Variants in MIP observed in about 807,000 individuals in gnomAD.
MIP encodes the protein major intrinsic protein of lens fiber.
In MIP, 14 loss-of-function variants were observed where a neutral mutation model predicts 21.8. The observed-to-expected ratio is 0.64, with a 90% CI of 0.42 to 1.00. The LOEUF (loss-of-function observed/expected upper bound fraction) is 1.00. MIP is among the 50% of genes least tolerant of loss of function. The pLI is 0.00. For synonymous variants in MIP, 133 were observed against 141.4 expected, an observed-to-expected ratio of 0.94 and a Z score of 0.42; for missense variants, 260 against 333.5, an observed-to-expected ratio of 0.78 and a Z score of 1.72.
chr12:56,453,043 C>T, intron 3 of MIP, 29 bp downstream of exon 3: 3 of 1,486,694 alleles, frequency 2.0e-6, no homozygotes, highest in Non-Finnish European at 2.8e-6. Flanking sequence ...AGAAGGGCTT[C>T]AGGATCTTGC....
Position 56,451,183 on chromosome 12 carries a change from A to G in MIP, c.*97T>C, listed in dbSNP as rs1868597295. 4.0e-6 allele frequency: 4 copies of G among 1,009,410 alleles called. No homozygotes were observed. The African/African-American group carries it at 4.9e-5, about 12-fold the overall frequency. The allele number at this position is 1,009,410 out of a possible 1,614,324, so 62.5% of individuals were successfully genotyped here. A position where few individuals can be genotyped will look rare whatever the true frequency, so the allele number is the denominator to read the frequency against. On this transcript the variant is annotated 3_prime_UTR_variant, in exon 4 of 4. Transcript: ENST00000652304. ...CATAAGTTAAAAAATAAAGAAGTAC[A>G]TGACCCTCCCCACAGTCTCTTTCTT...
rs746044208 is a variant in MIP, at chr12:56,451,231, C to T, written c.*49G>A. 47 of 1,579,280 alleles carry T rather than the reference C, an allele frequency of 3.0e-5. No homozygotes were observed. The highest frequency in any genetic ancestry group is 3.6e-5 in the Non-Finnish European group (41 of 1,150,170). On this transcript the variant is annotated 3_prime_UTR_variant, in exon 4 of 4. Coordinates refer to ENST00000652304, the MANE Select transcript of MIP (RefSeq NM_012064.4). ...CTTCATCTAGGGGCTGGCTAAACCC[C>T]TCCACGTAAACTCAGAAGCTTTCTA...
Position 56,453,725 on chromosome 12 carries a change from T to C in MIP, c.391A>G (p.Thr131Ala), listed in dbSNP as rs148039582. The change falls in exon 2 of 4, where the codon ACC becomes GCC. Residue 131 changes from threonine (T) to alanine (A), a missense_variant. By Grantham distance (58) the Thr-to-Ala change is moderately conservative. Coordinates refer to ENST00000652304, the MANE Select transcript of MIP (RefSeq NM_012064.4). ...AGCGTCAGGAAGATCTCCACTGTGG[T>C]TGCCTGGCCCACGCTCACCGCAGGG... Reference protein sequence around the residue: ...LHPAVSVGQATTVEIFLTLQF... With the variant: ...LHPAVSVGQAATVEIFLTLQF... 3 of 1,614,052 alleles carry C rather than the reference T, an allele frequency of 1.9e-6. No individual in the cohort carries two copies. The highest frequency in any genetic ancestry group is 2.2e-5 in the East Asian group (1 of 44,878).
chr12:56,453,173 A>T, intron 2 of MIP, 21 bp from the exon 3 acceptor site: 2 of 1,553,296 alleles, frequency 1.3e-6, no homozygotes, highest in Non-Finnish European at 1.8e-6. Context: ...GACAGTTGTA[A>T]CTGAGACACC....
chr12:56,451,505 G>A (rs1437142783), intron 3 of MIP, 40 bp from the exon 4 acceptor site: 2 of 1,586,500 alleles, frequency 1.3e-6, no homozygotes, highest in Non-Finnish European at 1.7e-6. Flanking sequence ...TTGGGGAGGG[G>A]ACAGAGTAGC....
intron 3 of MIP, among the ~76,000 whole-genome samples, chr12:56,452,416 A>G (rs1868649466): frequency 6.6e-6 from 1 of 152,176 alleles, no homozygotes; most frequent in South Asian, 2.1e-4. Context: ...TTGTTTATCC[A>G]TTCATCCACT....
intron 3 of MIP, chr12:56,452,676 T>C (rs770872696): frequency 3.8e-5 from 10 of 266,452 alleles, no homozygotes; most frequent in Non-Finnish European, 6.7e-5. Context: ...AGAGTGATTA[T>C]TTGCCCATGG....
In MIP at chr12:56,452,971, C is replaced by T. The variant is rs1592264101; in HGVS notation, c.606+101G>A. 4.8e-6 allele frequency: 4 copies of T among 834,344 alleles called. No homozygotes were observed. In the Middle Eastern group the frequency reaches 9.7e-4, roughly 203 times the overall value. 51.7% of individuals were successfully genotyped at this position (834,344 alleles called of 1,614,324 possible). ...CCCCCTTAGCTGAGTGCTGGTACAGCAGCCAACACACGCAGAAGGAAAGCA... is the reference window on the plus strand; with the variant it reads ...CCCCCTTAGCTGAGTGCTGGTACAGTAGCCAACACACGCAGAAGGAAAGCA... On this transcript the variant is annotated intron_variant, in intron 3 of 3. Coordinates refer to ENST00000652304, the MANE Select transcript of MIP (RefSeq NM_012064.4).
In MIP at chr12:56,450,938, G is replaced by A. The variant is rs886049690; in HGVS notation, c.*342C>T. 2 of 330,480 alleles carry A rather than the reference G, an allele frequency of 6.1e-6. No individual in the cohort carries two copies. Among genetic ancestry groups the A allele is most frequent in the Non-Finnish European group, 1.2e-5 (2 of 173,446 alleles). The allele number at this position is 330,480 out of a possible 1,614,324, so 20.5% of individuals were successfully genotyped here. ...GGTTACCCAGTACTCACCATACTGG[G>A]TCGAGGAAGGGAGGTATAGGATGGC... On this transcript the variant is annotated 3_prime_UTR_variant, in exon 4 of 4. Transcript: ENST00000652304.
chr12:56,451,612 T>G (rs1868622511), intron 3 of MIP, 147 bp from the exon 4 acceptor site: 2 of 676,458 alleles, frequency 3.0e-6, no homozygotes, highest in East Asian at 5.2e-5. Context: ...TTCATCAAAT[T>G]ACTCCTTTAT....
rs1345311549 is a variant in MIP at position 56,451,312 on chromosome 12, C to G, written c.760G>C (p.Glu254Gln). 1 of 1,613,828 alleles carries G rather than the reference C, an allele frequency of 6.2e-7. No individual in the cohort carries two copies. Reference protein sequence around the residue: ...VSNGQPEVTGEPVELNTQAL With the variant: ...VSNGQPEVTGQPVELNTQAL The stretch of plus-strand genomic sequence containing the variant: ...GCCTGGGTGTTCAGTTCAACAGGTT[C>G]CCCTGTGACCTCTGGTTGTCCATTG... Residue 254 changes from glutamate (E) to glutamine (Q), a missense_variant, in exon 4 of 4, where the codon GAA becomes CAA. Transcript: ENST00000652304.
intron 3 of MIP, chr12:56,452,727 C>A: frequency 2.7e-6 from 1 of 367,508 alleles, no homozygotes; most frequent in South Asian, 2.4e-5. Context: ...TGGAATGGGG[C>A]TGAGGCCCAT....
intron 2 of MIP, 150 bp from the exon 3 acceptor site, chr12:56,453,302 G>T: frequency 1.3e-6 from 1 of 746,908 alleles, no homozygotes. Context: ...AGGGGTTCCT[G>T]CAATGGGGTG....
chr12:56,451,552 A>G (rs1868619743), intron 3 of MIP, 87 bp from the exon 4 acceptor site: 2 of 1,126,080 alleles, frequency 1.8e-6, no homozygotes, highest in Non-Finnish European at 2.7e-6. Flanking sequence ...AGTGGAAAAC[A>G]AGATATTGTA....
At chr12:56,453,906 TACCATC>T (rs2136166617) in intron 1 of MIP, 151 bp from the exon 2 acceptor site, 1 of 828,618 alleles carries the variant, frequency 1.2e-6, no homozygotes, top group Non-Finnish European at 1.9e-6. Flanking sequence ...ATTTGCATCT[TACCATC>T]TCCTAACAGT....
intron 3 of MIP, among the ~76,000 whole-genome samples, chr12:56,451,704 TGTG>T (rs1328116446): frequency 6.6e-6 from 1 of 152,228 alleles, no homozygotes. Flanking sequence ...TTTTATACAT[TGTG>T]GTAAAACACA....
intron 3 of MIP, among the ~76,000 whole-genome samples, chr12:56,452,138 T>G (rs2136165272): frequency 6.6e-6 from 1 of 152,356 alleles, no homozygotes; most frequent in Admixed American, 6.5e-5. Flanking sequence ...TAGAACTTTT[T>G]CATCTTGCAA....
intron 3 of MIP, among the ~76,000 whole-genome samples, chr12:56,451,798 C>A (rs182339074): frequency 6.6e-6 from 1 of 152,146 alleles, no homozygotes; most frequent in African/African-American, 2.4e-5. Flanking sequence ...GAGGCTGAGA[C>A]GGGCGGATCA....
At chr12:56,452,919 A>G (rs913098260) in intron 3 of MIP, 153 bp downstream of exon 3, 1 of 708,180 alleles carries the variant, frequency 1.4e-6, no homozygotes, top group Non-Finnish European at 2.6e-6. Context: ...AATCCTGCTC[A>G]CACAGGCATG....
Sources: gnomAD v4.1 joint callset for allele counts (sites outside exome capture counted in the v4.1 genomes callset) on GRCh38, gnomAD v4.1.1 for gene constraint, MANE v1.5 for transcripts, NCBI Gene and HGNC (gene_info 2026-07-23, HGNC 2026-07-21) for gene names.